Variants in TAF9 observed in about 807,000 individuals in gnomAD.
TAF9 encodes the protein TATA-box binding protein associated factor 9, also known as transcription initiation factor TFIID subunit 9.
TAF9 carries 10 observed loss-of-function variants against 16.5 expected under a neutral mutation model. The observed-to-expected ratio is 0.61, with a 90% CI of 0.37 to 1.03. The LOEUF (loss-of-function observed/expected upper bound fraction) is 1.03. Ranked by LOEUF, TAF9 falls within the 50% of genes least tolerant of loss-of-function variation. The probability of loss-of-function intolerance (pLI) is 0.01; values close to 1 mark genes in which losing one functional copy is unlikely to be tolerated. For synonymous variants in TAF9, 105 were observed against 120.5 expected, an observed-to-expected ratio of 0.87 and a Z score of 0.84; for missense variants, 288 against 319.1, an observed-to-expected ratio of 0.90 and a Z score of 0.74.
chr5:69,365,806 C>G, intron 2 of TAF9, 52 bp from the exon 3 acceptor site: 1 of 1,297,908 alleles, frequency 7.7e-7, no homozygotes, highest in Non-Finnish European at 1.0e-6. Context: ...GAAATAGTTA[C>G]TTTAGTAGCA....
At position 69,365,424 on chromosome 5, in the gene TAF9, G is replaced by T; in HGVS notation, c.314C>A (p.Pro105Gln). Residue 105 changes from proline (P) to glutamine (Q), a missense_variant, in exon 3 of 3, where the codon CCA (proline) becomes CAA (glutamine). Coordinates refer to ENST00000217893, the MANE Select transcript of TAF9 (RefSeq NM_003187.5). ...AGGACCTGAATATGGCTTGATCAAT[G>T]GCAAAGGGGTTTGATTTCTTTGCCT... ...IARQRNQTPL[P>Q]LIKPYSGPRL... The T allele has an allele frequency of 6.2e-7, 1 of 1,614,196 alleles. No individual in the cohort carries two copies. Among genetic ancestry groups the T allele is most frequent in the Non-Finnish European group, 8.5e-7 (1 of 1,180,046 alleles).
chr5:69,365,756 T>C lies in TAF9; in HGVS notation c.-17-2A>G. On this transcript the variant is annotated splice_acceptor_variant, in intron 2 of 2. Coordinates refer to ENST00000217893, the MANE Select transcript of TAF9 (RefSeq NM_003187.5). LOFTEE classifies it low-confidence loss of function (5UTR_SPLICE). Reference sequence around the variant, plus strand: ...ACTCCATGATATCCGATGATCAGACTTTAGATCATTTGAAAAAAATATGTA... The same window carrying C: ...ACTCCATGATATCCGATGATCAGACCTTAGATCATTTGAAAAAAATATGTA... The C allele has an allele frequency of 6.7e-7, 1 of 1,502,508 alleles. No homozygotes were observed. Among genetic ancestry groups the C allele is most frequent in the South Asian group, 1.4e-5 (1 of 70,936 alleles). 93.1% of individuals were successfully genotyped at this position (1,502,508 alleles called of 1,614,324 possible).
intron 1 of TAF9, chr5:69,368,710 A>AT (rs1467372586): frequency 6.6e-5 from 10 of 152,152 alleles, no homozygotes; most frequent in Non-Finnish European, 1.5e-4. Flanking sequence ...CATGCATTAG[A>AT]TTTTTCCACG....
intron 2 of TAF9, 86 bp downstream of exon 2, chr5:69,366,417 C>A (rs1326998464): frequency 2.9e-6 from 3 of 1,020,480 alleles, no homozygotes; most frequent in African/African-American, 3.2e-5. Context: ...GTTTTTTGTA[C>A]CCTATGACAA....
upstream of TAF9, chr5:69,369,543 A>C: frequency 2.5e-6 from 4 of 1,610,350 alleles, no homozygotes; most frequent in Non-Finnish European, 3.4e-6. Context: ...TTTGCTCTAC[A>C]GGGAGGAGCC....
chr5:69,369,601 G>A (rs558646903), upstream of TAF9: 3 of 1,585,214 alleles, frequency 1.9e-6, no homozygotes, highest in Non-Finnish European at 2.6e-6. Context: ...AGGCCCCGAA[G>A]CCCACCGCGG....
chr5:69,366,637 A>G lies in TAF9; in HGVS notation c.-110-42T>C, dbSNP rs757653790. On this transcript the variant is annotated intron_variant, in intron 1 of 2. Coordinates refer to ENST00000217893, the MANE Select transcript of TAF9 (RefSeq NM_003187.5). Reference sequence around the variant, plus strand: ...AGAAAAATACTGTTTGTGAAATACTACTTATCACACTGCGGTCCACCTTCT... The same window carrying G: ...AGAAAAATACTGTTTGTGAAATACTGCTTATCACACTGCGGTCCACCTTCT... 7.4e-6 allele frequency: 10 copies of G among 1,344,134 alleles called. No individual in the cohort carries two copies. The African/African-American group carries it at 1.4e-4, about 19-fold the overall frequency. 83.3% of individuals were successfully genotyped at this position (1,344,134 alleles called of 1,614,324 possible).
chr5:69,366,329 T>C (rs4252227), intron 2 of TAF9, among the ~76,000 whole-genome samples, 174 bp downstream of exon 2: 160 of 152,284 alleles, frequency 1.1e-3, no homozygotes, highest in African/African-American at 3.7e-3. Context: ...ATGGTCAAAA[T>C]AACCAGGACA....
At position 69,365,152 on chromosome 5, in the gene TAF9, A is replaced by C; in HGVS notation, c.586T>G (p.Ser196Ala). 1 of 1,614,202 alleles carries C rather than the reference A, an allele frequency of 6.2e-7. No individual in the cohort carries two copies. The highest frequency in any genetic ancestry group is 8.5e-7 in the Non-Finnish European group (1 of 1,180,032). Reference sequence around the variant, plus strand: ...GGAATTGAAGCTTTTACAGCTGGAGACTGAGAAGTAGGCATCTGTACTGTA... The same window carrying C: ...GGAATTGAAGCTTTTACAGCTGGAGCCTGAGAAGTAGGCATCTGTACTGTA... ...RFTVQMPTSQ[S>A]PAVKASIPAT... Residue 196 changes from serine (S) to alanine (A), a missense_variant, in exon 3 of 3, where the codon TCT becomes GCT. Transcript: ENST00000217893.
Position 69,365,720 on chromosome 5 carries a change from C to T in TAF9, c.18G>A (p.Thr6=), listed in dbSNP as rs749003620. The part of the protein sequence containing the change: MESGK[T]ASPKSMPKDA... ...CTTTCGGCATGCTCTTGGGAGAAGC[C>T]GTCTTGCCAGACTCCATGATATCCG... Residue 6 remains threonine (T), a synonymous_variant, in exon 3 of 3, where the codon ACG becomes ACA. Transcript: ENST00000217893. The T allele has an allele frequency of 1.9e-6, 3 of 1,555,856 alleles. No homozygotes were observed. The highest frequency in any genetic ancestry group is 2.6e-6 in the Non-Finnish European group (3 of 1,150,456).
intron 1 of TAF9, chr5:69,367,985 T>G (rs539032576): frequency 6.6e-6 from 1 of 152,338 alleles, no homozygotes; most frequent in East Asian, 1.9e-4. Context: ...GCCAACATAA[T>G]GAGACTCTGT....
rs749668791 is a variant in TAF9 at position 69,365,197 on chromosome 5, A to T, written c.541T>A (p.Ser181Thr). Residue 181 changes from serine (S) to threonine (T), a missense_variant, in exon 3 of 3, where the codon TCC (serine) becomes ACC (threonine). Physicochemically the swap from Ser to Thr is moderately conservative, Grantham distance 58. Coordinates refer to ENST00000217893, the MANE Select transcript of TAF9 (RefSeq NM_003187.5). ...SVSTKVGTPM[S>T]LTGQRFTVQM... ...ACTGTAAACCTTTGACCTGTGAGGG[A>T]CATGGGAGTCCCTACTTTAGTTGAA... The T allele has an allele frequency of 4.3e-6, 7 of 1,614,194 alleles. No homozygotes were observed.
At chr5:69,367,585 ATC>A (rs1762506965) in intron 1 of TAF9, among the ~76,000 whole-genome samples, 1 of 151,664 alleles carries the variant, frequency 6.6e-6, no homozygotes, top group Non-Finnish European at 1.5e-5. Flanking sequence ...AAGACAAGAT[ATC>A]TCTTTGTTAC....
At chr5:69,368,380 A>C (rs1762605289) in intron 1 of TAF9, among the ~76,000 whole-genome samples, 1 of 152,228 alleles carries the variant, frequency 6.6e-6, no homozygotes, top group South Asian at 2.1e-4. Context: ...CATACCCAGG[A>C]GAATAACGGT....
At chr5:69,365,849 T>C (rs114336098) in intron 2 of TAF9, 95 bp from the exon 3 acceptor site, 1 of 904,956 alleles carries the variant, frequency 1.1e-6, no homozygotes, top group South Asian at 3.6e-5. Flanking sequence ...TTTAAATCTA[T>C]GTTAAACTGT....
chr5:69,364,955 A>G lies in TAF9; in HGVS notation c.783T>C (p.Tyr261=), dbSNP rs762996200. 6 of 1,611,058 alleles carry G rather than the reference A, an allele frequency of 3.7e-6. No homozygotes were observed. Among genetic ancestry groups the G allele is most frequent in the Non-Finnish European group, 4.2e-6 (5 of 1,178,902 alleles). Residue 261 remains tyrosine, a synonymous_variant, in exon 3 of 3, where the codon TAT becomes TAC. Transcript: ENST00000217893. The part of the protein sequence containing the change: ...DDDDDDDDDD[Y]DNL ...CAGCAAGGCTAGATTACAGATTATC[A>G]TAGTCATCATCATCATCATCGTCAT... is the stretch of plus-strand genomic sequence containing the variant.
chr5:69,369,505 C>T lies in TAF9; in HGVS notation c.-153G>A, dbSNP rs1378265230. On this transcript the variant is annotated 5_prime_UTR_variant, in exon 1 of 3. Coordinates refer to ENST00000217893, the MANE Select transcript of TAF9 (RefSeq NM_003187.5). ...GGAAGCAACATGGTCCCCGCCGCGA[C>T]GGCTTCGGGCGCCTCGCTCACGTGC... The T allele has an allele frequency of 1.2e-6, 2 of 1,611,226 alleles. No individual in the cohort carries two copies. Among genetic ancestry groups the T allele is most frequent in the Non-Finnish European group, 8.5e-7 (1 of 1,179,214 alleles).
At chr5:69,366,821 C>A (rs1762450210) in intron 1 of TAF9, 1 of 505,316 alleles carries the variant, frequency 2.0e-6, no homozygotes, top group Non-Finnish European at 3.6e-6. Flanking sequence ...TGCAGTGGCA[C>A]AATCTTGGCT....
At chr5:69,366,710 T>A in intron 1 of TAF9, 115 bp from the exon 2 acceptor site, 1 of 751,330 alleles carries the variant, frequency 1.3e-6, no homozygotes, top group Non-Finnish European at 2.2e-6. Context: ...CCTCTGCCCT[T>A]AAAAGTTCTT....
Sources: gnomAD v4.1 joint callset for allele counts (sites outside exome capture counted in the v4.1 genomes callset) on GRCh38, gnomAD v4.1.1 for gene constraint, MANE v1.5 for transcripts, NCBI Gene and HGNC (gene_info 2026-07-23, HGNC 2026-07-21) for gene names.